HES6: variants seen among roughly 807,000 people sequenced by gnomAD.
HES6 encodes the protein hes family bHLH transcription factor 6.
A neutral mutation model predicts 16.4 loss-of-function variants in HES6; 24 were observed. That is an observed-to-expected ratio of 1.46 (90% CI 1.06 to 2.06). The LOEUF (loss-of-function observed/expected upper bound fraction) is 2.06. Among genes scored for constraint, HES6 ranks in the 30% most tolerant of loss-of-function variants. The probability of loss-of-function intolerance (pLI) is 0.00; values close to 1 mark genes in which losing one functional copy is unlikely to be tolerated. For synonymous variants in HES6, 159 were observed against 144.3 expected, an observed-to-expected ratio of 1.10 and a Z score of -0.73; for missense variants, 355 against 317.6, an observed-to-expected ratio of 1.12 and a Z score of -0.90.
Position 238,239,542 on chromosome 2 carries a change from T to C in HES6, c.195A>G (p.Glu65=). 1 of 1,312,834 alleles carries C rather than the reference T, an allele frequency of 7.6e-7. No homozygotes were observed. Among genetic ancestry groups the C allele is most frequent in the Non-Finnish European group, 9.7e-7 (1 of 1,028,166 alleles). The allele number at this position is 1,312,834 out of a possible 1,614,324, so 81.3% of individuals were successfully genotyped here. The change falls in exon 3 of 4, where the codon GAA becomes GAG. Residue 65 remains glutamate, a synonymous_variant. Transcript: ENST00000272937. ...CCCGCCGCACCGTCAGCTCCAGCAC[T>C]TCGGCGTTCTCCAGCTTGGCCTGCA... ...AEVQAKLENA[E]VLELTVRRVQ...
In HES6 at chr2:238,239,931, G is replaced by A; in HGVS notation, c.-26C>T. On this transcript the variant is annotated 5_prime_UTR_variant, in exon 1 of 4. Transcript: ENST00000272937. ...GCCCGCTCCGCCGGGGACGCGGCAG[G>A]GGCTAGGAGCAGCGGGGACGGGGAG... 8.4e-7 allele frequency: 1 copy of A among 1,193,626 alleles called. No homozygotes were observed. The highest frequency in any genetic ancestry group is 1.0e-6 in the Non-Finnish European group (1 of 962,020). The allele number at this position is 1,193,626 out of a possible 1,614,324, so 73.9% of individuals were successfully genotyped here.
rs764624591 is a variant in HES6 at position 238,239,256 on chromosome 2, G to C, written c.251-5C>G. ...CCGCCTGCAGCTGCTCGCGCTCTGG[G>C]CCCGAGGGTGGGAGGGAGAGAGCCG... On this transcript the variant is annotated splice_region_variant and splice_polypyrimidine_tract_variant and intron_variant, in intron 3 of 3. Coordinates refer to ENST00000272937, the MANE Select transcript of HES6 (RefSeq NM_018645.6). 1 of 1,602,136 alleles carries C rather than the reference G, an allele frequency of 6.2e-7. No individual in the cohort carries two copies. The highest frequency in any genetic ancestry group is 8.5e-7 in the Non-Finnish European group (1 of 1,178,398).
chr2:238,239,851 C>G lies in HES6; in HGVS notation c.55G>C (p.Gly19Arg). The G allele has an allele frequency of 4.4e-6, 6 of 1,377,504 alleles. No individual in the cohort carries two copies. The highest frequency in any genetic ancestry group is 4.7e-6 in the Non-Finnish European group (5 of 1,056,434). 85.3% of individuals were successfully genotyped at this position (1,377,504 alleles called of 1,614,324 possible). A position where few individuals can be genotyped will look rare whatever the true frequency, so the allele number is the denominator to read the frequency against. Reference sequence around the variant, plus strand: ...TTGCGGTCCCCTCGCGTCTCCCAGCCGTCCTCATCCTCACGGCCCACACGG... The same window carrying G: ...TTGCGGTCCCCTCGCGTCTCCCAGCGGTCCTCATCCTCACGGCCCACACGG... ...RDRVGREDED[G>R]WETRGDRKAR... Residue 19 changes from glycine (G) to arginine (R), a missense_variant, in exon 1 of 4, where the codon GGC (glycine) becomes CGC (arginine). Gly to Arg is a moderately radical substitution (Grantham distance 125, BLOSUM62 -2). Coordinates refer to ENST00000272937, the MANE Select transcript of HES6 (RefSeq NM_018645.6).
At position 238,239,242 on chromosome 2, in the gene HES6, T is replaced by G. The variant is rs772984796; in HGVS notation, c.260A>C (p.Gln87Pro). The part of the protein sequence containing the change: ...VLRGRARERE[Q>P]LQAEASERFA... ...GCGCTCGCTCGCTTCCGCCTGCAGC[T>G]GCTCGCGCTCTGGGCCCGAGGGTGG... is the stretch of plus-strand genomic sequence containing the variant. The change falls in exon 4 of 4, where the codon CAG (glutamine) becomes CCG (proline). Residue 87 changes from glutamine to proline, a missense_variant. Physicochemically the swap from Gln to Pro is moderately conservative, Grantham distance 76 (BLOSUM62 -1). Coordinates refer to ENST00000272937, the MANE Select transcript of HES6 (RefSeq NM_018645.6). The G allele has an allele frequency of 3.7e-6, 6 of 1,606,072 alleles. No homozygotes were observed.
rs1019317837 is a variant in HES6, at chr2:238,238,640, T to C, written c.*187A>G. The stretch of plus-strand genomic sequence containing the variant: ...AGCTGCAGGGTCCCTAAAAGTTTCT[T>C]AAGAAACGGGGCTGGGGCCTGACTG... On this transcript the variant is annotated 3_prime_UTR_variant, in exon 4 of 4. Coordinates refer to ENST00000272937, the MANE Select transcript of HES6 (RefSeq NM_018645.6). 3 of 620,710 alleles carry C rather than the reference T, an allele frequency of 4.8e-6. No homozygotes were observed. The highest frequency in any genetic ancestry group is 5.5e-6 in the Non-Finnish European group (2 of 364,296). The allele number at this position is 620,710 out of a possible 1,614,324, so 38.5% of individuals were successfully genotyped here. A position where few individuals can be genotyped will look rare whatever the true frequency, so the allele number is the denominator to read the frequency against.
rs1450763260 is a variant in HES6, at chr2:238,239,027, T to C, written c.475A>G (p.Ser159Gly). Reference sequence around the variant, plus strand: ...GGAGCGCCCCCCGCAGGCCAGCCACTCCGTCCAGGGGCTCTAGGTGGCCCC... The same window carrying C: ...GGAGCGCCCCCCGCAGGCCAGCCACCCCGTCCAGGGGCTCTAGGTGGCCCC... ...LAGPPRAPGR[S>G]GWPAGGAPGS... Residue 159 changes from serine (S) to glycine (G), a missense_variant, in exon 4 of 4, where the codon AGT becomes GGT. Coordinates refer to ENST00000272937, the MANE Select transcript of HES6 (RefSeq NM_018645.6). 1.2e-6 allele frequency: 2 copies of C among 1,610,608 alleles called. No individual in the cohort carries two copies. The highest frequency in any genetic ancestry group is 1.7e-6 in the Non-Finnish European group (2 of 1,179,284).
Position 238,238,846 on chromosome 2 carries a change from C to T in HES6, c.656G>A (p.Ser219Asn). The stretch of plus-strand genomic sequence containing the variant: ...CATTGGTCACCAAGGCCTCCAGACA[C>T]TCCGGGCAATTTGGGCTGTGGTCAG... ...GSLTTAQIAR[S>N]VWRPW is the part of the protein sequence containing the mutation. Residue 219 changes from serine (S) to asparagine (N), a missense_variant, in exon 4 of 4, where the codon AGT becomes AAT. Ser to Asn is a conservative substitution (Grantham distance 46). Transcript: ENST00000272937. 6.4e-7 allele frequency: 1 copy of T among 1,570,274 alleles called. No individual in the cohort carries two copies. Among genetic ancestry groups the T allele is most frequent in the Non-Finnish European group, 8.6e-7 (1 of 1,163,682 alleles).
In HES6 at chr2:238,238,878, C is replaced by T; in HGVS notation, c.624G>A (p.Leu208=). 1 of 1,579,916 alleles carries T rather than the reference C, an allele frequency of 6.3e-7. No individual in the cohort carries two copies. The highest frequency in any genetic ancestry group is 1.7e-4 in the Middle Eastern group (1 of 5,810). ...AEGPDLVPAA[L]GSLTTAQIAR... Reference sequence around the variant, plus strand: ...CAATTTGGGCTGTGGTCAGGCTGCCCAGGGCTGCGGGCACCAAGTCGGGCC... The same window carrying T: ...CAATTTGGGCTGTGGTCAGGCTGCCTAGGGCTGCGGGCACCAAGTCGGGCC... The change falls in exon 4 of 4, where the codon CTG becomes CTA. Residue 208 remains leucine (L), a synonymous_variant. Coordinates refer to ENST00000272937, the MANE Select transcript of HES6 (RefSeq NM_018645.6).
chr2:238,239,821 G>T lies in HES6; in HGVS notation c.81+4C>A. On this transcript the variant is annotated splice_donor_region_variant and intron_variant, in intron 1 of 3. Coordinates refer to ENST00000272937, the MANE Select transcript of HES6 (RefSeq NM_018645.6). ...GCTTGCTCGCCCATGGCCCCGGCCCGCACCTTGCGGTCCCCTCGCGTCTCC... is the reference window on the plus strand; with the variant it reads ...GCTTGCTCGCCCATGGCCCCGGCCCTCACCTTGCGGTCCCCTCGCGTCTCC... 1 of 1,400,258 alleles carries T rather than the reference G, an allele frequency of 7.1e-7. No individual in the cohort carries two copies. Among genetic ancestry groups the T allele is most frequent in the Non-Finnish European group, 9.4e-7 (1 of 1,068,188 alleles). 86.7% of individuals were successfully genotyped at this position (1,400,258 alleles called of 1,614,324 possible).
rs1243387665 is a variant in HES6 at position 238,239,528 on chromosome 2, G to A, written c.209C>T (p.Thr70Met). ...KLENAEVLEL[T>M]VRRVQGVLRG... is the part of the protein sequence containing the mutation. ...CAGCACACCCTGGACCCGCCGCACC[G>A]TCAGCTCCAGCACTTCGGCGTTCTC... Residue 70 changes from threonine to methionine, a missense_variant, in exon 3 of 4, where the codon ACG (threonine) becomes ATG (methionine). Thr to Met is a moderately conservative substitution (Grantham distance 81, BLOSUM62 -1). Coordinates refer to ENST00000272937, the MANE Select transcript of HES6 (RefSeq NM_018645.6). 2.3e-6 allele frequency: 3 copies of A among 1,326,726 alleles called. No homozygotes were observed. The highest frequency in any genetic ancestry group is 3.6e-5 in the South Asian group (2 of 55,248). The allele number at this position is 1,326,726 out of a possible 1,614,324, so 82.2% of individuals were successfully genotyped here. A position where few individuals can be genotyped will look rare whatever the true frequency, so the allele number is the denominator to read the frequency against.
rs988180722 is a variant in HES6, at chr2:238,239,944, C to A, written c.-39G>T. 6 of 1,169,520 alleles carry A rather than the reference C, an allele frequency of 5.1e-6. No homozygotes were observed. In the Admixed American group the frequency reaches 2.7e-4, roughly 53 times the overall value. 72.4% of individuals were successfully genotyped at this position (1,169,520 alleles called of 1,614,324 possible). A position where few individuals can be genotyped will look rare whatever the true frequency, so the allele number is the denominator to read the frequency against. On this transcript the variant is annotated 5_prime_UTR_variant, in exon 1 of 4. Transcript: ENST00000272937. ...GGGACGCGGCAGGGGCTAGGAGCAGCGGGGACGGGGAGCGGCGGGGACCGG... is the reference window on the plus strand; with the variant it reads ...GGGACGCGGCAGGGGCTAGGAGCAGAGGGGACGGGGAGCGGCGGGGACCGG...
In HES6 at chr2:238,238,778, G is replaced by C; in HGVS notation, c.*49C>G. On this transcript the variant is annotated 3_prime_UTR_variant, in exon 4 of 4. Coordinates refer to ENST00000272937, the MANE Select transcript of HES6 (RefSeq NM_018645.6). The stretch of plus-strand genomic sequence containing the variant: ...TCTGAACCCCTGGGAGGAGGGAGGA[G>C]ATCCAGGGAGGGCCGGGCCCACCCC... The C allele has an allele frequency of 6.7e-7, 1 of 1,502,924 alleles. No individual in the cohort carries two copies. The highest frequency in any genetic ancestry group is 8.9e-7 in the Non-Finnish European group (1 of 1,119,342). The allele number at this position is 1,502,924 out of a possible 1,614,324, so 93.1% of individuals were successfully genotyped here.
intron 2 of HES6, 43 bp from the exon 3 acceptor site, chr2:238,239,611 G>GGGGGGGGGGCCCCCCC: frequency 8.8e-7 from 1 of 1,135,690 alleles, no homozygotes; most frequent in Non-Finnish European, 1.1e-6. Context: ...CGCGCTCCCG[G>GGGGGGGGGGCCCCCCC]ACCCGCCCGC....
Position 238,238,461 on chromosome 2 carries a change from CCT to C in HES6, c.*364_*365del. The C allele has an allele frequency of 9.5e-6, 3 of 317,270 alleles. No homozygotes were observed. Among genetic ancestry groups the C allele is most frequent in the South Asian group, 3.2e-5 (1 of 31,270 alleles). The allele number at this position is 317,270 out of a possible 1,614,324, so 19.7% of individuals were successfully genotyped here. On this transcript the variant is annotated 3_prime_UTR_variant, in exon 4 of 4. Transcript: ENST00000272937. ...CAAGCTTTTGTTTAGCCCAGGGCTG[CCT>C]GGAACACTAGTGCCCAGCACCATTT...
rs1472759789 is a variant in HES6 at position 238,238,924 on chromosome 2, A to C, written c.578T>G (p.Leu193Arg). The C allele has an allele frequency of 6.3e-7, 1 of 1,592,694 alleles. No individual in the cohort carries two copies. The highest frequency in any genetic ancestry group is 1.3e-5 in the African/African-American group (1 of 74,610). Residue 193 changes from leucine (L) to arginine (R), a missense_variant, in exon 4 of 4, where the codon CTG becomes CGG. Transcript: ENST00000272937. Reference sequence around the variant, plus strand: ...GGGCCCCTCAGCAGGAGCCTGACTCAGTTCAGCCTCAGGGGCCTCCTCCAG... The same window carrying C: ...GGGCCCCTCAGCAGGAGCCTGACTCCGTTCAGCCTCAGGGGCCTCCTCCAG... Reference protein sequence around the residue: ...SDLEEAPEAELSQAPAEGPDL... With the variant: ...SDLEEAPEAERSQAPAEGPDL...
At chr2:238,239,320 A>G (rs1574831262) in intron 3 of HES6, 69 bp from the exon 4 acceptor site, 1 of 1,480,280 alleles carries the variant, frequency 6.8e-7, no homozygotes, top group African/African-American at 1.5e-5. Flanking sequence ...GGCCCAGCCC[A>G]CCCGGCCCGC....
chr2:238,240,011 G>C lies in HES6; in HGVS notation c.-106C>G, dbSNP rs1695276772. ...GCTGCCCCGCGGCCGCCCAGCAGCA[G>C]CCCAGCCGTCCGCGCTCCTCGCGGC... On this transcript the variant is annotated 5_prime_UTR_variant, in exon 1 of 4. Transcript: ENST00000272937. 4.8e-6 allele frequency: 3 copies of C among 620,116 alleles called. No homozygotes were observed. The allele number at this position is 620,116 out of a possible 1,614,324, so 38.4% of individuals were successfully genotyped here.
chr2:238,238,795 G>A lies in HES6; in HGVS notation c.*32C>T, dbSNP rs918314700. Reference sequence around the variant, plus strand: ...AGGGAGGAGATCCAGGGAGGGCCGGGCCCACCCCCGCAGGACTCTGGCTGG... The same window carrying A: ...AGGGAGGAGATCCAGGGAGGGCCGGACCCACCCCCGCAGGACTCTGGCTGG... On this transcript the variant is annotated 3_prime_UTR_variant, in exon 4 of 4. Transcript: ENST00000272937. The A allele has an allele frequency of 6.5e-7, 1 of 1,534,738 alleles. No individual in the cohort carries two copies. The highest frequency in any genetic ancestry group is 8.7e-7 in the Non-Finnish European group (1 of 1,145,716).
At position 238,239,535 on chromosome 2, in the gene HES6, C is replaced by T; in HGVS notation, c.202G>A (p.Glu68Lys). The change falls in exon 3 of 4, where the codon GAG (glutamate) becomes AAG (lysine). Residue 68 changes from glutamate (E) to lysine (K), a missense_variant. Transcript: ENST00000272937. ...CCCTGGACCCGCCGCACCGTCAGCTCCAGCACTTCGGCGTTCTCCAGCTTG... is the reference window on the plus strand; with the variant it reads ...CCCTGGACCCGCCGCACCGTCAGCTTCAGCACTTCGGCGTTCTCCAGCTTG... ...QAKLENAEVL[E>K]LTVRRVQGVL... 7.6e-7 allele frequency: 1 copy of T among 1,322,440 alleles called. No individual in the cohort carries two copies. The highest frequency in any genetic ancestry group is 3.1e-5 in the Admixed American group (1 of 32,168). 81.9% of individuals were successfully genotyped at this position (1,322,440 alleles called of 1,614,324 possible).
Sources: allele counts gnomAD v4.1 joint callset, GRCh38; gene constraint gnomAD v4.1.1; transcripts MANE v1.5; gene names NCBI Gene and HGNC (gene_info 2026-07-23, HGNC 2026-07-21).